Variants in OPA3 observed in about 807,000 individuals in gnomAD.
OPA3 encodes optic atrophy 3 protein.
Under a neutral mutation model 4.0 loss-of-function variants are expected in OPA3, and 6 were observed. The observed-to-expected ratio is 1.51, with a 90% confidence interval of 0.83 to 2.99. The LOEUF (loss-of-function observed/expected upper bound fraction) is 2.99, where lower values mean the gene tolerates loss of function less well. OPA3 is among the 30% of genes most tolerant of loss of function. The pLI, the probability that OPA3 is intolerant of heterozygous loss-of-function variation, is 0.00. For missense variants in OPA3, 235 were observed against 256.2 expected, an observed-to-expected ratio of 0.92 and a Z score of 0.56; for synonymous variants, 105 against 117.1, an observed-to-expected ratio of 0.90 and a Z score of 0.67.
chr19:45,564,515 G>A (rs1969554120), intron 1 of OPA3, among the ~76,000 whole-genome samples: 1 of 152,168 alleles, frequency 6.6e-6, no homozygotes, highest in Admixed American at 6.6e-5. Context: ...GGGCTGGTGG[G>A]CAATGCAGAC....
At position 45,549,605 on chromosome 19, in the gene OPA3, C is replaced by A; in HGVS notation, c.*3909G>T. On this transcript the variant is annotated 3_prime_UTR_variant, in exon 2 of 2. Transcript: ENST00000263275. ...AAGCAATTCTCGTGCCTCAGCCTCC[C>A]GAGTAGCTGGGATTCAGGAATGTGC... The A allele has an allele frequency of 3.8e-6, 3 of 781,098 alleles. No homozygotes were observed. Among genetic ancestry groups the A allele is most frequent in the Non-Finnish European group, 4.7e-6 (3 of 643,936 alleles). The allele number at this position is 781,098 out of a possible 1,614,324, so 48.4% of individuals were successfully genotyped here.
At chr19:45,541,638 C>T (rs940926888), downstream of OPA3, among the ~76,000 whole-genome samples, 2 of 152,112 alleles carry the variant, frequency 1.3e-5, no homozygotes, top group African/African-American at 4.8e-5. Context: ...AATGATGGCT[C>T]ATTGCAGCCT....
At position 45,549,617 on chromosome 19, in the gene OPA3, A is replaced by G; in HGVS notation, c.*3897T>C. ...TGCCTCAGCCTCCCGAGTAGCTGGG[A>G]TTCAGGAATGTGCCAACATGCCCGG... On this transcript the variant is annotated 3_prime_UTR_variant, in exon 2 of 2. Transcript: ENST00000263275. 1.3e-6 allele frequency: 1 copy of G among 774,692 alleles called. No homozygotes were observed. The highest frequency in any genetic ancestry group is 1.6e-6 in the Non-Finnish European group (1 of 638,266). The allele number at this position is 774,692 out of a possible 1,614,324, so 48.0% of individuals were successfully genotyped here.
exon 2 of OPA3, chr19:45,529,350 C>T: frequency 6.2e-7 from 1 of 1,614,242 alleles, no homozygotes; most frequent in Non-Finnish European, 8.5e-7. Context: ...CCTCGCCCAG[C>T]AGCTCCGCGC....
At chr19:45,561,060 G>A (rs1485845868) in intron 1 of OPA3, among the ~76,000 whole-genome samples, 2 of 152,194 alleles carry the variant, frequency 1.3e-5, no homozygotes, top group East Asian at 1.9e-4. Flanking sequence ...CAGGCCGGGC[G>A]CGGTGGCTCA....
At chr19:45,555,742 C>T (rs1395536632) in intron 1 of OPA3, among the ~76,000 whole-genome samples, 1 of 152,188 alleles carries the variant, frequency 6.6e-6, no homozygotes, top group Non-Finnish European at 1.5e-5. Flanking sequence ...CCACCCACCT[C>T]GGCCTCCCAA....
At chr19:45,528,886 G>A in exon 2 of OPA3, 1 of 739,604 alleles carries the variant, frequency 1.4e-6, no homozygotes, top group African/African-American at 1.8e-5. Context: ...CACTGGGCAG[G>A]TTAGTAGGGA....
rs533510300 is a variant in OPA3 at position 45,555,238 on chromosome 19, A to C, written c.143-1327T>G. Among the ~76,000 whole-genome samples the C allele has an allele frequency of 3.9e-5, 6 of 152,346 alleles. No homozygotes were observed. In the East Asian group the frequency reaches 9.6e-4, roughly 24 times the overall value. On this transcript the variant is annotated intron_variant, in intron 1 of 1. Coordinates refer to ENST00000263275, the MANE Select transcript of OPA3 (RefSeq NM_025136.4). ...TATTTTGGTTGCCGACATATAAATC[A>C]CTAGATGGAATTCTGTGGGTATGTG...
At chr19:45,531,838 ACT>A (rs1274082926) in intron 1 of OPA3, among the ~76,000 whole-genome samples, 1 of 151,556 alleles carries the variant, frequency 6.6e-6, no homozygotes, top group East Asian at 1.9e-4. Flanking sequence ...TTCCCCTTAA[ACT>A]CTTCTATCTT....
At chr19:45,541,913 G>A (rs972337541), downstream of OPA3, among the ~76,000 whole-genome samples, 1 of 152,138 alleles carries the variant, frequency 6.6e-6, no homozygotes, top group African/African-American at 2.4e-5. Flanking sequence ...GAGACCCCTA[G>A]GATCCATGTT....
intron 1 of OPA3, among the ~76,000 whole-genome samples, chr19:45,530,535 G>T (rs1000944434): frequency 6.6e-6 from 1 of 151,484 alleles, no homozygotes; most frequent in African/African-American, 2.4e-5. Context: ...ATTGAGACGG[G>T]GTCTTGCTCT....
In OPA3 at chr19:45,551,944, G is replaced by A; in HGVS notation, c.*1570C>T. 9.1e-6 allele frequency: 9 copies of A among 985,562 alleles called. No individual in the cohort carries two copies. Among genetic ancestry groups the A allele is most frequent in the Non-Finnish European group, 8.4e-6 (7 of 830,034 alleles). 61.1% of individuals were successfully genotyped at this position (985,562 alleles called of 1,614,324 possible). Reference sequence around the variant, plus strand: ...GAGCAAGGTGGGGAAGGCAAGAAAGGACATGCCACACAGTACAAGCTCCAG... The same window carrying A: ...GAGCAAGGTGGGGAAGGCAAGAAAGAACATGCCACACAGTACAAGCTCCAG... On this transcript the variant is annotated 3_prime_UTR_variant, in exon 2 of 2. Transcript: ENST00000263275.
rs893896686 is a variant in OPA3, at chr19:45,547,414, T to G, written c.*6100A>C. Reference sequence around the variant, plus strand: ...CGCCTGGGTTCCAATAAGTCTTTATTTACAAAGACAGGAAGCAAGGGTCCC... The same window carrying G: ...CGCCTGGGTTCCAATAAGTCTTTATGTACAAAGACAGGAAGCAAGGGTCCC... On this transcript the variant is annotated 3_prime_UTR_variant, in exon 2 of 2. Transcript: ENST00000263275. 6.6e-6 allele frequency: 1 copy of G among 152,188 alleles called. No individual in the cohort carries two copies. The highest frequency in any genetic ancestry group is 1.5e-5 in the Non-Finnish European group (1 of 68,030). The allele number at this position is 152,188 out of a possible 1,614,324, so 9.4% of individuals were successfully genotyped here.
Position 45,548,679 on chromosome 19 carries a change from G to A in OPA3, c.*4835C>T, listed in dbSNP as rs1969287633. On this transcript the variant is annotated 3_prime_UTR_variant, in exon 2 of 2. Coordinates refer to ENST00000263275, the MANE Select transcript of OPA3 (RefSeq NM_025136.4). Reference sequence around the variant, plus strand: ...TTTTTTTATTTTTTTTTTTTTTGCGGGAGACGCCCTACCAAGGACACTGGG... The same window carrying A: ...TTTTTTTATTTTTTTTTTTTTTGCGAGAGACGCCCTACCAAGGACACTGGG... 1.0e-6 allele frequency: 1 copy of A among 981,652 alleles called. No individual in the cohort carries two copies. The highest frequency in any genetic ancestry group is 1.2e-6 in the Non-Finnish European group (1 of 827,304). 60.8% of individuals were successfully genotyped at this position (981,652 alleles called of 1,614,324 possible).
intron 1 of OPA3, among the ~76,000 whole-genome samples, chr19:45,535,369 C>CTTTT (rs57680613): frequency 8.4e-6 from 1 of 118,862 alleles, no homozygotes. Flanking sequence ...TAAATTATTA[C>CTTTT]TTTTTTTTTT....
chr19:45,563,855 T>C (rs1159954430), intron 1 of OPA3, among the ~76,000 whole-genome samples: 1 of 143,972 alleles, frequency 6.9e-6, no homozygotes, highest in Non-Finnish European at 1.5e-5. Flanking sequence ...CGCCCGGCCT[T>C]TTTTTTTTTT....
At position 45,584,670 on chromosome 19, in the gene OPA3, C is replaced by T. The variant is rs777618441; in HGVS notation, c.95G>A (p.Arg32His). ...PLANRIKEAA[R>H]RSEFFKTYIC... Reference sequence around the variant, plus strand: ...ATAGGTCTTGAAGAACTCGCTTCGGCGGGCGGCCTCCTTAATACGGTTGGC... The same window carrying T: ...ATAGGTCTTGAAGAACTCGCTTCGGTGGGCGGCCTCCTTAATACGGTTGGC... Residue 32 changes from arginine (R) to histidine (H), a missense_variant, in exon 1 of 2, where the codon CGC (arginine) becomes CAC (histidine). By Grantham distance (29) the Arg-to-His change is conservative (BLOSUM62 0). Coordinates refer to ENST00000263275, the MANE Select transcript of OPA3 (RefSeq NM_025136.4). 1 of 1,614,210 alleles carries T rather than the reference C, an allele frequency of 6.2e-7. No homozygotes were observed. Among genetic ancestry groups the T allele is most frequent in the South Asian group, 1.1e-5 (1 of 91,086 alleles).
chr19:45,548,383 G>A lies in OPA3; in HGVS notation c.*5131C>T. Reference sequence around the variant, plus strand: ...GCAGGGCCTGCCAGGAGATGGGAGGGGCACAGCCCTCAGGGCACCTCCCAG... The same window carrying A: ...GCAGGGCCTGCCAGGAGATGGGAGGAGCACAGCCCTCAGGGCACCTCCCAG... On this transcript the variant is annotated 3_prime_UTR_variant, in exon 2 of 2. Transcript: ENST00000263275. 2.0e-6 allele frequency: 2 copies of A among 985,576 alleles called. No individual in the cohort carries two copies. Among genetic ancestry groups the A allele is most frequent in the Non-Finnish European group, 2.4e-6 (2 of 830,034 alleles). 61.1% of individuals were successfully genotyped at this position (985,576 alleles called of 1,614,324 possible). A position where few individuals can be genotyped will look rare whatever the true frequency, so the allele number is the denominator to read the frequency against.
At chr19:45,582,519 A>G (rs1296900622) in intron 1 of OPA3, among the ~76,000 whole-genome samples, 1 of 151,408 alleles carries the variant, frequency 6.6e-6, no homozygotes, top group Non-Finnish European at 1.5e-5. Flanking sequence ...TCTGTCGCCC[A>G]GGCTGGAGTG....
Sources: allele counts gnomAD v4.1 joint callset (sites outside exome capture counted in the v4.1 genomes callset), GRCh38; gene constraint gnomAD v4.1.1; transcripts MANE v1.5; gene names NCBI Gene and HGNC (gene_info 2026-07-23, HGNC 2026-07-21).